Variants in PATJ observed in about 807,000 individuals in gnomAD.
PATJ encodes the protein inaD-like protein.
A neutral mutation model predicts 224.9 loss-of-function variants in PATJ; 190 were observed. That is an observed-to-expected ratio of 0.84 (90% CI 0.75 to 0.95). The LOEUF (loss-of-function observed/expected upper bound fraction) is 0.95. PATJ is among the 40% of genes least tolerant of loss of function. The pLI, the probability that PATJ is intolerant of heterozygous loss-of-function variation, is 0.00. For synonymous variants in PATJ, 769 were observed against 820.3 expected, an observed-to-expected ratio of 0.94 and a Z score of 1.07; for missense variants, 2,121 against 2,270.3, an observed-to-expected ratio of 0.93 and a Z score of 1.34.
rs192851071 is a variant in PATJ, at chr1:61,820,072, C to T, written c.1684-2873C>T. 6.9e-3 allele frequency among the ~76,000 whole-genome samples: 1,055 copies of T among 152,152 alleles called. 11 individuals are homozygous for T. The highest frequency in any genetic ancestry group is 0.024 in the African/African-American group (1,006 of 41,500). On this transcript the variant is annotated intron_variant, in intron 14 of 43. Transcript: ENST00000642238. ...TTATTTATTTTTTGAGATGGAGTCT[C>T]GCTCTGTCGCCCAGGCTGGAGTGCA...
chr1:62,110,426 A>G (rs952685595), intron 34 of PATJ, among the ~76,000 whole-genome samples: 12 of 152,162 alleles, frequency 7.9e-5, no homozygotes, highest in Non-Finnish European at 5.9e-5. Flanking sequence ...TTTCCCAAAC[A>G]ATGCCCTTTG....
At chr1:61,830,807 C>G (rs1275486599) in intron 16 of PATJ, among the ~76,000 whole-genome samples, 1 of 152,082 alleles carries the variant, frequency 6.6e-6, no homozygotes, top group Non-Finnish European at 1.5e-5. Context: ...GAAAATGTTG[C>G]TGGGAAAACT....
At position 62,139,513 on chromosome 1, in the gene PATJ, G is replaced by A. The variant is rs887271491; in HGVS notation, c.5272-8771G>A. 4.6e-5 allele frequency among the ~76,000 whole-genome samples: 7 copies of A among 151,936 alleles called. No individual in the cohort carries two copies. The South Asian group carries it at 1.5e-3, about 32-fold the overall frequency. On this transcript the variant is annotated intron_variant, in intron 41 of 43. Coordinates refer to ENST00000642238, the MANE Select transcript of PATJ (RefSeq NM_001350145.3). ...CCTCTGTGTTGTTCAGTCAGTCCCT[G>A]ATGGTGATGGTGGAAGAGCTCTTCA...
At position 62,079,441 on chromosome 1, in the gene PATJ, CT is replaced by C; in HGVS notation, c.4126-5del. 6.4e-7 allele frequency: 1 copy of C among 1,559,200 alleles called. No individual in the cohort carries two copies. The highest frequency in any genetic ancestry group is 8.8e-7 in the Non-Finnish European group (1 of 1,132,710). On this transcript the variant is annotated splice_polypyrimidine_tract_variant and splice_region_variant and intron_variant, in intron 31 of 43. Transcript: ENST00000642238. ...TTTGATATTCATCTAATTTTCCTTTCTTTTGTAGGCTGTCAGCCAGATGAAA... is the reference window on the plus strand; with the variant it reads ...TTTGATATTCATCTAATTTTCCTTTCTTTGTAGGCTGTCAGCCAGATGAAA...
intron 37 of PATJ, chr1:62,120,880 G>T (rs1274707128): frequency 3.2e-6 from 1 of 311,168 alleles, no homozygotes; most frequent in South Asian, 1.4e-4. Context: ...CTAGGAAAAT[G>T]GTTTTGATTT....
chr1:62,017,474 A>G (rs1646838331), intron 28 of PATJ, among the ~76,000 whole-genome samples: 1 of 151,690 alleles, frequency 6.6e-6, no homozygotes, highest in Non-Finnish European at 1.5e-5. Flanking sequence ...CTGTAGTCCC[A>G]GCACTTTGGG....
chr1:61,836,920 G>T (rs1382586248), intron 17 of PATJ, among the ~76,000 whole-genome samples: 1 of 152,222 alleles, frequency 6.6e-6, no homozygotes, highest in African/African-American at 2.4e-5. Context: ...GCTACAGAGA[G>T]AAAGTATTGG....
chr1:61,864,087 GT>G, intron 19 of PATJ, 150 bp from the exon 20 acceptor site: 1 of 612,076 alleles, frequency 1.6e-6, no homozygotes, highest in South Asian at 2.3e-5. Context: ...GTGAGCTTGT[GT>G]TTCTCCATGT....
chr1:62,047,369 G>A (rs1172525365), intron 30 of PATJ, among the ~76,000 whole-genome samples: 9 of 152,142 alleles, frequency 5.9e-5, no homozygotes, highest in South Asian at 2.1e-4. Context: ...CCATTCTCTT[G>A]CCTCAGCCTC....
At chr1:62,035,452 C>T (rs1650195869) in intron 29 of PATJ, among the ~76,000 whole-genome samples, 1 of 152,078 alleles carries the variant, frequency 6.6e-6, no homozygotes, top group African/African-American at 2.4e-5. Context: ...AATAGTTAAG[C>T]TACTTACTTA....
chr1:62,115,637 CCCAACAGGGCTA>C (rs2148896298), intron 35 of PATJ, among the ~76,000 whole-genome samples: 1 of 147,234 alleles, frequency 6.8e-6, no homozygotes, highest in African/African-American at 2.5e-5. Context: ...ATGTATTTAT[CCCAACAGGGCTA>C]TAGGATTTCC....
intron 9 of PATJ, among the ~76,000 whole-genome samples, chr1:61,794,168 C>T (rs937137762): frequency 2.6e-5 from 4 of 151,966 alleles, no homozygotes; most frequent in Non-Finnish European, 5.9e-5. Context: ...TCCCAAAGTG[C>T]TGGGATTACA....
At chr1:62,159,116 A>G (rs1669592450) in intron 43 of PATJ, among the ~76,000 whole-genome samples, 1 of 152,246 alleles carries the variant, frequency 6.6e-6, no homozygotes, top group African/African-American at 2.4e-5. Flanking sequence ...GATTTTATCC[A>G]GTAAAATTAC....
intron 22 of PATJ, 132 bp downstream of exon 22, chr1:61,884,540 A>G (rs893742566): frequency 4.0e-5 from 26 of 648,984 alleles, no homozygotes; most frequent in Middle Eastern, 8.6e-4. Flanking sequence ...AATAAAATCC[A>G]CTATATTTGA....
At chr1:61,844,489 G>A (rs1661609427) in intron 17 of PATJ, among the ~76,000 whole-genome samples, 1 of 152,000 alleles carries the variant, frequency 6.6e-6, no homozygotes. Flanking sequence ...CCTTTCCATG[G>A]CATCAATTAC....
chr1:61,843,284 A>T (rs1661403972), intron 17 of PATJ, among the ~76,000 whole-genome samples: 1 of 152,208 alleles, frequency 6.6e-6, no homozygotes, highest in African/African-American at 2.4e-5. Context: ...TGAGAGGACT[A>T]GCTTACGAGT....
intron 28 of PATJ, among the ~76,000 whole-genome samples, chr1:62,000,125 G>T (rs1050439750): frequency 5.3e-5 from 8 of 151,796 alleles, no homozygotes; most frequent in Non-Finnish European, 1.0e-4. Flanking sequence ...CTGACCTCAG[G>T]TGATCCTCCC....
At chr1:61,904,526 C>T (rs68030937) in intron 24 of PATJ, among the ~76,000 whole-genome samples, 53,661 of 152,192 alleles carry the variant, frequency 0.35, 10,354 homozygotes, top group East Asian at 0.44. Flanking sequence ...ATATGCACCA[C>T]CACAATTGAG....
intron 14 of PATJ, among the ~76,000 whole-genome samples, chr1:61,819,523 A>G (rs1366193749): frequency 6.6e-6 from 1 of 151,800 alleles, no homozygotes; most frequent in Admixed American, 6.6e-5. Context: ...CCCCGTACAT[A>G]TATGCTGAAT....
Sources: allele counts gnomAD v4.1 joint callset (sites outside exome capture counted in the v4.1 genomes callset), GRCh38; gene constraint gnomAD v4.1.1; transcripts MANE v1.5; gene names NCBI Gene and HGNC (gene_info 2026-07-23, HGNC 2026-07-21).